MEF2C: variants seen among roughly 807,000 people sequenced by gnomAD.
MEF2C encodes myocyte enhancer factor 2C.
A neutral mutation model predicts 50.5 loss-of-function variants in MEF2C; 6 were observed. That is an observed-to-expected ratio of 0.12 (90% confidence interval 0.07 to 0.23). MEF2C has a LOEUF of 0.23. MEF2C is among the 10% of genes least tolerant of loss of function. The probability of loss-of-function intolerance (pLI) is 1.00; values close to 1 mark genes in which losing one functional copy is unlikely to be tolerated. For synonymous variants in MEF2C, 183 were observed against 228.0 expected (o/e 0.80, Z 1.78); for missense variants, 276 against 605.0 (o/e 0.46, Z 5.70).
intron 5 of MEF2C, chr5:88,749,509 C>T (rs1771600659): frequency 1.0e-6 from 1 of 984,228 alleles, no homozygotes; most frequent in Non-Finnish European, 1.2e-6. Flanking sequence ...TGTTTTATGC[C>T]ATTAATTTTG....
intron 6 of MEF2C, chr5:88,735,425 C>T (rs1763693118): frequency 8.1e-6 from 8 of 985,212 alleles, no homozygotes; most frequent in Non-Finnish European, 8.4e-6. Flanking sequence ...TGTCACATTC[C>T]TCTGACCACT....
At chr5:88,865,383 C>T (rs1826957948) in intron 1 of MEF2C, among the ~76,000 whole-genome samples, 1 of 152,046 alleles carries the variant, frequency 6.6e-6, no homozygotes, top group East Asian at 1.9e-4. Flanking sequence ...TGATTTTAGT[C>T]TTTGGATGAT....
At chr5:88,774,769 T>C (rs1784031152) in intron 3 of MEF2C, among the ~76,000 whole-genome samples, 1 of 152,246 alleles carries the variant, frequency 6.6e-6, no homozygotes, top group South Asian at 2.1e-4. Context: ...GAAAGTTTGA[T>C]AGGACTGTTT....
At chr5:88,751,769 A>G in intron 5 of MEF2C, 88 bp downstream of exon 5, 1 of 1,401,404 alleles carries the variant, frequency 7.1e-7, no homozygotes, top group East Asian at 2.4e-5. Flanking sequence ...GAAAACCAGA[A>G]AACATCTCGT....
At chr5:88,783,311 C>T (rs1157028167) in intron 3 of MEF2C, among the ~76,000 whole-genome samples, 1 of 152,136 alleles carries the variant, frequency 6.6e-6, no homozygotes, top group Non-Finnish European at 1.5e-5. Context: ...TTATTAACCT[C>T]TATTTACAGA....
intron 3 of MEF2C, among the ~76,000 whole-genome samples, chr5:88,792,497 A>G (rs1039002375): frequency 5.9e-5 from 9 of 152,222 alleles, no homozygotes; most frequent in African/African-American, 1.9e-4. Flanking sequence ...CTCAAATTTT[A>G]TATTGAAGAA....
intron 6 of MEF2C, chr5:88,743,744 G>GCCAC: frequency 1.0e-6 from 1 of 985,322 alleles, no homozygotes; most frequent in South Asian, 4.7e-5. Context: ...GCAGTACACT[G>GCCAC]CCACCATCAA....
Position 88,717,225 on chromosome 5 carries a change from C to T in MEF2C, c.*5379G>A, listed in dbSNP as rs1755085457. ...ATATGTGACTGCAGGGGTCACATGC[C>T]CACAAACAGCTTTGAACTCATCCCC... On this transcript the variant is annotated 3_prime_UTR_variant, in exon 11 of 11. Transcript: ENST00000504921. 2 of 152,198 alleles carry T rather than the reference C, an allele frequency of 1.3e-5. No homozygotes were observed. The highest frequency in any genetic ancestry group is 1.3e-4 in the Admixed American group (2 of 15,288). The allele number at this position is 152,198 out of a possible 1,614,324, so 9.4% of individuals were successfully genotyped here. A position where few individuals can be genotyped will look rare whatever the true frequency, so the allele number is the denominator to read the frequency against.
chr5:88,863,853 G>T (rs1344931604), intron 1 of MEF2C, among the ~76,000 whole-genome samples: 2 of 145,848 alleles, frequency 1.4e-5, no homozygotes, highest in Non-Finnish European at 3.0e-5. Context: ...AGAGAGCCTC[G>T]CTCTGTCTCT....
intron 3 of MEF2C, among the ~76,000 whole-genome samples, chr5:88,774,218 T>C (rs1360202566): frequency 6.6e-6 from 1 of 152,212 alleles, no homozygotes; most frequent in Non-Finnish European, 1.5e-5. Flanking sequence ...AACAAACCTC[T>C]ATCTACCAAC....
intron 2 of MEF2C, among the ~76,000 whole-genome samples, chr5:88,808,222 ATTTTACTT>A (rs1801352850): frequency 2.0e-5 from 3 of 152,188 alleles, no homozygotes; most frequent in Admixed American, 2.0e-4. Flanking sequence ...GCATATTGGC[ATTTTACTT>A]AGTGAAATAG....
chr5:88,900,098 G>C (rs144873510), intron 1 of MEF2C, among the ~76,000 whole-genome samples: 2 of 152,178 alleles, frequency 1.3e-5, no homozygotes, highest in East Asian at 3.9e-4. Context: ...AATTCAGAAT[G>C]TGGTAGATTT....
intron 1 of MEF2C, chr5:88,824,324 T>C (rs1470274831): frequency 2.4e-5 from 24 of 985,000 alleles, no homozygotes; most frequent in Non-Finnish European, 2.7e-5. Context: ...GTATGCTAAG[T>C]AGGGCAGCTA....
At chr5:88,826,738 T>C (rs146803687) in intron 1 of MEF2C, among the ~76,000 whole-genome samples, 2 of 151,972 alleles carry the variant, frequency 1.3e-5, no homozygotes, top group African/African-American at 4.8e-5. Context: ...GAAAAAGGAA[T>C]ATAACAGCTA....
chr5:88,735,534 T>C, intron 6 of MEF2C: 3 of 977,018 alleles, frequency 3.1e-6, no homozygotes, highest in African/African-American at 1.7e-5. Flanking sequence ...GTTTGTTTTA[T>C]AGTTTCATTT....
chr5:88,793,708 A>G (rs1039977013), intron 3 of MEF2C, among the ~76,000 whole-genome samples: 1 of 152,146 alleles, frequency 6.6e-6, no homozygotes, highest in Admixed American at 6.5e-5. Flanking sequence ...GACTTGTTAC[A>G]TAAGTATACA....
intron 1 of MEF2C, among the ~76,000 whole-genome samples, chr5:88,826,625 T>C (rs1437959721): frequency 6.6e-6 from 1 of 151,988 alleles, no homozygotes; most frequent in African/African-American, 2.4e-5. Context: ...GCAAAAACTA[T>C]ATTAAAAGGT....
chr5:88,746,374 G>GT (rs1769576884), intron 6 of MEF2C: 1 of 342,764 alleles, frequency 2.9e-6, no homozygotes, highest in African/African-American at 2.2e-5. Context: ...TGGTCTTTTA[G>GT]TATTTATAGG....
At chr5:88,748,748 A>T in intron 6 of MEF2C, 1 of 982,898 alleles carries the variant, frequency 1.0e-6, no homozygotes, top group Non-Finnish European at 1.2e-6. Context: ...TTAACAGAGA[A>T]CACAAAAAGT....
Sources: allele counts gnomAD v4.1 joint callset (sites outside exome capture counted in the v4.1 genomes callset), GRCh38; gene constraint gnomAD v4.1.1; transcripts MANE v1.5; gene names NCBI Gene and HGNC (gene_info 2026-07-23, HGNC 2026-07-21).